RNF144B: variants seen among roughly 807,000 people sequenced by gnomAD.
The protein encoded by RNF144B is ring finger protein 144B, also known as E3 ubiquitin-protein ligase RNF144B.
Under a neutral mutation model 40.2 loss-of-function variants are expected in RNF144B, and 25 were observed. The ratio of observed to expected loss-of-function variants is 0.62; its 90% CI spans 0.45 to 0.87. RNF144B has a LOEUF of 0.87. Among genes scored for constraint, RNF144B ranks in the 40% least tolerant of loss-of-function variants. The probability of loss-of-function intolerance (pLI) is 0.00; values close to 1 mark genes in which losing one functional copy is unlikely to be tolerated. For missense variants in RNF144B, 365 were observed against 373.7 expected (o/e 0.98, Z 0.19); for synonymous variants, 145 against 136.3 (o/e 1.06, Z -0.44).
chr6:18,405,853 G>T lies in RNF144B; in HGVS notation c.165+6154G>T, dbSNP rs1457193128. On this transcript the variant is annotated intron_variant, in intron 2 of 7. Transcript: ENST00000259939. This position sits in a 1 kb window ranked among gnomAD's most constrained non-coding sequence, Gnocchi z 4.5. ...TATTCAAGGAAAGTAGTAAAATGTG[G>T]CAAGAGAGGAAAGAACAGCAGAAGA... 6.6e-6 allele frequency among the ~76,000 whole-genome samples: 1 copy of T among 152,182 alleles called. No individual in the cohort carries two copies. The highest frequency in any genetic ancestry group is 1.9e-4 in the East Asian group (1 of 5,182).
intron 2 of RNF144B, among the ~76,000 whole-genome samples, chr6:18,424,213 A>C (rs987001183): frequency 6.6e-6 from 1 of 152,224 alleles, no homozygotes; most frequent in Non-Finnish European, 1.5e-5. Flanking sequence ...GAGATACAGA[A>C]GAAGAGAGGG....
At chr6:18,435,051 A>G (rs995469273) in intron 3 of RNF144B, among the ~76,000 whole-genome samples, 1 of 152,246 alleles carries the variant, frequency 6.6e-6, no homozygotes, top group Admixed American at 6.5e-5. Context: ...TTCTATTAAC[A>G]TGAAACTGAA....
At chr6:18,429,953 T>A (rs1209825399) in intron 3 of RNF144B, among the ~76,000 whole-genome samples, 2 of 152,118 alleles carry the variant, frequency 1.3e-5, no homozygotes, top group African/African-American at 2.4e-5. Flanking sequence ...GTCAGATAAT[T>A]ATAAAAGTGA....
In RNF144B at chr6:18,402,799, C is replaced by T. The variant is rs576650081; in HGVS notation, c.165+3100C>T. The stretch of plus-strand genomic sequence containing the variant: ...GTCTCAAATAAGCCATCAATATTAT[C>T]TAGGTTCTTGTTAAAGGATGTTCTA... On this transcript the variant is annotated intron_variant, in intron 2 of 7. Transcript: ENST00000259939. 9.3e-4 allele frequency among the ~76,000 whole-genome samples: 142 copies of T among 152,324 alleles called. 1 individual carries two copies. The highest frequency in any genetic ancestry group is 1.0e-3 in the Non-Finnish European group (70 of 68,030).
rs886759811 is a variant in RNF144B, at chr6:18,443,508, A to G, written c.331+3764A>G. Among the ~76,000 whole-genome samples, 1 of 151,812 alleles carries G rather than the reference A, an allele frequency of 6.6e-6. No homozygotes were observed. The highest frequency in any genetic ancestry group is 1.5e-5 in the Non-Finnish European group (1 of 67,920). Reference sequence around the variant, plus strand: ...AGTCCTAACCTCAAGTGATCCACCCACCTCGGCCTCCCAAAGTTCTGGGAT... The same window carrying G: ...AGTCCTAACCTCAAGTGATCCACCCGCCTCGGCCTCCCAAAGTTCTGGGAT... On this transcript the variant is annotated intron_variant, in intron 4 of 7. Transcript: ENST00000259939. The surrounding 1 kb of genome is among the most constrained non-coding windows in gnomAD (Gnocchi z 4.7).
intron 4 of RNF144B, among the ~76,000 whole-genome samples, chr6:18,455,386 G>A (rs979881554): frequency 1.3e-5 from 2 of 152,136 alleles, no homozygotes; most frequent in African/African-American, 2.4e-5. Context: ...ATTTCTAGGC[G>A]AGACATTAGT....
intron 4 of RNF144B, among the ~76,000 whole-genome samples, chr6:18,453,292 C>T (rs1173352341): frequency 1.3e-5 from 2 of 151,708 alleles, no homozygotes; most frequent in Non-Finnish European, 2.9e-5. Context: ...GCGCCCACCA[C>T]CACATCTGGC....
intron 2 of RNF144B, among the ~76,000 whole-genome samples, chr6:18,417,138 T>C (rs1021435996): frequency 2.6e-5 from 4 of 152,274 alleles, no homozygotes; most frequent in Admixed American, 6.5e-5. Flanking sequence ...TCTTCATGGA[T>C]TGGAAGACTT....
At position 18,434,747 on chromosome 6, in the gene RNF144B, G is replaced by A. The variant is rs1015618257; in HGVS notation, c.271-4937G>A. On this transcript the variant is annotated intron_variant, in intron 3 of 7. Transcript: ENST00000259939. This position sits in a 1 kb window ranked among gnomAD's most constrained non-coding sequence, Gnocchi z 4.1. ...TGCCATTCTGCTGCCTCAGCCTCCT[G>A]AGTAGCTGGGACTACAGGCGCCTGC... 6.6e-6 allele frequency among the ~76,000 whole-genome samples: 1 copy of A among 152,080 alleles called. No individual in the cohort carries two copies. Among genetic ancestry groups the A allele is most frequent in the African/African-American group, 2.4e-5 (1 of 41,394 alleles).
At position 18,441,643 on chromosome 6, in the gene RNF144B, T is replaced by C. The variant is rs1758966833; in HGVS notation, c.331+1899T>C. On this transcript the variant is annotated intron_variant, in intron 4 of 7. Coordinates refer to ENST00000259939, the MANE Select transcript of RNF144B (RefSeq NM_182757.4). This position sits in a 1 kb window ranked among gnomAD's most constrained non-coding sequence, Gnocchi z 4.9. ...CTTTCTGTGGGTTGTTTCTCACTGA[T>C]GAATATAAAGTTTTGGTTTATTTTA... 6.6e-6 allele frequency among the ~76,000 whole-genome samples: 1 copy of C among 152,214 alleles called. No individual in the cohort carries two copies. Among genetic ancestry groups the C allele is most frequent in the African/African-American group, 2.4e-5 (1 of 41,450 alleles).
chr6:18,421,745 G>C (rs115898931), intron 2 of RNF144B, among the ~76,000 whole-genome samples: 1 of 152,090 alleles, frequency 6.6e-6, no homozygotes, highest in Non-Finnish European at 1.5e-5. Context: ...ACCTTTGCAC[G>C]CAGTTTGAAA....
At chr6:18,413,470 A>AC (rs1795087620) in intron 2 of RNF144B, among the ~76,000 whole-genome samples, 1 of 152,242 alleles carries the variant, frequency 6.6e-6, no homozygotes, top group African/African-American at 2.4e-5. Context: ...TTGAGCATGA[A>AC]CATGAGTGTT....
At chr6:18,451,414 T>C (rs1335024679) in intron 4 of RNF144B, among the ~76,000 whole-genome samples, 2 of 152,210 alleles carry the variant, frequency 1.3e-5, no homozygotes, top group Non-Finnish European at 2.9e-5. Context: ...CGAGGCTTAC[T>C]TACGATATGA....
chr6:18,459,251 A>C lies in RNF144B; in HGVS notation c.537-356A>C, dbSNP rs1395926976. Among the ~76,000 whole-genome samples, 1 of 152,212 alleles carries C rather than the reference A, an allele frequency of 6.6e-6. No individual in the cohort carries two copies. The highest frequency in any genetic ancestry group is 2.4e-5 in the African/African-American group (1 of 41,454). On this transcript the variant is annotated intron_variant, in intron 5 of 7. Coordinates refer to ENST00000259939, the MANE Select transcript of RNF144B (RefSeq NM_182757.4). The surrounding 1 kb of genome is among the most constrained non-coding windows in gnomAD (Gnocchi z 4.2). ...ATTTGTCTAATGAACAGACCATTAG[A>C]TAGATTATATACGCCCAGTTTGGAC...
chr6:18,408,230 C>A (rs1359874939), intron 2 of RNF144B, among the ~76,000 whole-genome samples: 1 of 152,076 alleles, frequency 6.6e-6, no homozygotes, highest in Non-Finnish European at 1.5e-5. Flanking sequence ...AGTGTTCCTC[C>A]CGCCTTGGCC....
chr6:18,405,266 C>G lies in RNF144B; in HGVS notation c.165+5567C>G, dbSNP rs143655284. Among the ~76,000 whole-genome samples, 4,018 of 151,920 alleles carry G rather than the reference C, an allele frequency of 0.026. 124 individuals are homozygous for G. Among genetic ancestry groups the G allele is most frequent in the Non-Finnish European group, 0.033 (2,247 of 67,964 alleles). On this transcript the variant is annotated intron_variant, in intron 2 of 7. Coordinates refer to ENST00000259939, the MANE Select transcript of RNF144B (RefSeq NM_182757.4). The surrounding 1 kb of genome is among the most constrained non-coding windows in gnomAD (Gnocchi z 4.5). ...TCGGCTCACTGTAACTTCCGCCTCC[C>G]GGGTTCAAGTGGTTCTCCTGCCTCA...
rs1019275144 is a variant in RNF144B, at chr6:18,448,606, C to A, written c.332-8549C>A. ...CATCCAGCAGATATTTATAGAGCAC[C>A]AACTTTGTGTAAGTCACTGTTTTTC... On this transcript the variant is annotated intron_variant, in intron 4 of 7. Transcript: ENST00000259939. The surrounding 1 kb of genome is among the most constrained non-coding windows in gnomAD (Gnocchi z 4.0). Among the ~76,000 whole-genome samples, 2 of 151,692 alleles carry A rather than the reference C, an allele frequency of 1.3e-5. No individual in the cohort carries two copies. Among genetic ancestry groups the A allele is most frequent in the Non-Finnish European group, 2.9e-5 (2 of 67,964 alleles).
intron 1 of RNF144B, among the ~76,000 whole-genome samples, chr6:18,389,450 G>A (rs1794538744): frequency 6.6e-6 from 1 of 152,162 alleles, no homozygotes; most frequent in Non-Finnish European, 1.5e-5. Flanking sequence ...TTCATCTGAG[G>A]AGGTGCACTT....
In RNF144B at chr6:18,406,110, G is replaced by T. The variant is rs1273297846; in HGVS notation, c.165+6411G>T. ...TAGTTCTGATGGTTTGAATATAGTG[G>T]TGAACGATCAGATTAAGCCCTGGTT... is the stretch of plus-strand genomic sequence containing the variant. On this transcript the variant is annotated intron_variant, in intron 2 of 7. Coordinates refer to ENST00000259939, the MANE Select transcript of RNF144B (RefSeq NM_182757.4). The surrounding 1 kb of genome is among the most constrained non-coding windows in gnomAD (Gnocchi z 4.2). 1 of 518,856 alleles carries T rather than the reference G, an allele frequency of 1.9e-6. No individual in the cohort carries two copies. Among genetic ancestry groups the T allele is most frequent in the African/African-American group, 1.9e-5 (1 of 51,946 alleles). 32.1% of individuals were successfully genotyped at this position (518,856 alleles called of 1,614,324 possible).
Sources: gnomAD v4.1 joint callset for allele counts (sites outside exome capture counted in the v4.1 genomes callset) on GRCh38, gnomAD v4.1.1 for gene constraint, Gnocchi (gnomAD v3.1) non-coding constraint, MANE v1.5 for transcripts, NCBI Gene and HGNC (gene_info 2026-07-23, HGNC 2026-07-21) for gene names.